The following VWA8 variants were observed in gnomAD, a reference collection of about 807,000 sequenced individuals.
VWA8 encodes von Willebrand factor A domain containing 8, also known as von Willebrand factor A domain-containing protein 8.
VWA8 carries 221 observed loss-of-function variants against 241.5 expected under a neutral mutation model. The ratio of observed to expected loss-of-function variants is 0.91; its 90% CI spans 0.82 to 1.02. VWA8 has a LOEUF of 1.02. Among genes scored for constraint, VWA8 ranks in the 50% least tolerant of loss-of-function variants. VWA8 has a pLI of 0.00. For synonymous variants in VWA8, 852 were observed against 827.1 expected (o/e 1.03, Z -0.52); for missense variants, 2,322 against 2,328.7 (o/e 1.00, Z 0.06).
chr13:41,597,827 T>C (rs1236123145), intron 40 of VWA8, among the ~76,000 whole-genome samples: 1 of 137,464 alleles, frequency 7.3e-6, no homozygotes, highest in African/African-American at 2.4e-5. Flanking sequence ...ACCCCACTCT[T>C]CCAGTTGTTC....
At chr13:41,780,892 A>C (rs768029067) in intron 19 of VWA8, among the ~76,000 whole-genome samples, 8 of 152,160 alleles carry the variant, frequency 5.3e-5, no homozygotes, top group Non-Finnish European at 1.5e-5. Flanking sequence ...TTTTCACCAG[A>C]CATTGTGCTC....
At chr13:41,911,062 CTTTTTTTT>C (rs5803108) in intron 3 of VWA8, among the ~76,000 whole-genome samples, 1 of 97,980 alleles carries the variant, frequency 1.0e-5, no homozygotes, top group Non-Finnish European at 2.2e-5. Context: ...CATTTTCTTT[CTTTTTTTT>C]TTTTTTTTTT....
chr13:41,671,221 T>C lies in VWA8; in HGVS notation c.4410-74A>G, dbSNP rs371068026. 90 of 1,481,934 alleles carry C rather than the reference T, an allele frequency of 6.1e-5. No individual in the cohort carries two copies. In the East Asian group the frequency reaches 1.9e-3, roughly 31 times the overall value. 91.8% of individuals were successfully genotyped at this position (1,481,934 alleles called of 1,614,324 possible). On this transcript the variant is annotated intron_variant, in intron 36 of 44. Transcript: ENST00000379310. ...GGAGGGATGACACTGCACATTGTAA[T>C]GTTCTTTACTGTTGAAAAAGTATGC...
chr13:41,938,033 C>T (rs933554083), intron 2 of VWA8, among the ~76,000 whole-genome samples: 17 of 151,496 alleles, frequency 1.1e-4, no homozygotes, highest in East Asian at 3.9e-4. Flanking sequence ...TGGTGGCACA[C>T]GTCTGTAATC....
intron 20 of VWA8, among the ~76,000 whole-genome samples, chr13:41,762,358 A>G (rs1028531619): frequency 6.6e-6 from 1 of 152,088 alleles, no homozygotes; most frequent in Non-Finnish European, 1.5e-5. Flanking sequence ...AAATCAAGAA[A>G]CCAAGGCTCA....
chr13:41,801,227 GA>G (rs2137961256), intron 17 of VWA8, among the ~76,000 whole-genome samples: 1 of 151,748 alleles, frequency 6.6e-6, no homozygotes, highest in African/African-American at 2.4e-5. Context: ...AGAATGCTTT[GA>G]AAGTCCAAAA....
chr13:41,783,516 T>A (rs1868989668), intron 19 of VWA8, among the ~76,000 whole-genome samples: 1 of 151,790 alleles, frequency 6.6e-6, no homozygotes, highest in African/African-American at 2.4e-5. Flanking sequence ...CACATGCCTC[T>A]AGTCTCAGCT....
intron 2 of VWA8, among the ~76,000 whole-genome samples, chr13:41,935,559 C>G (rs920915643): frequency 1.3e-5 from 2 of 152,036 alleles, no homozygotes; most frequent in Admixed American, 1.3e-4. Context: ...TTAAAAATTA[C>G]AAATGTAGTA....
intron 12 of VWA8, among the ~76,000 whole-genome samples, chr13:41,839,968 G>T (rs1458473778): frequency 1.3e-5 from 2 of 152,136 alleles, no homozygotes; most frequent in Admixed American, 6.5e-5. Context: ...GGGCAGTATG[G>T]CCATTTTCAT....
At position 41,783,899 on chromosome 13, in the gene VWA8, C is replaced by T; in HGVS notation, c.2173G>A (p.Glu725Lys). The change falls in exon 19 of 45, where the codon GAA becomes AAA. Residue 725 changes from glutamate to lysine, a missense_variant and splice_region_variant. Coordinates refer to ENST00000379310, the MANE Select transcript of VWA8 (RefSeq NM_015058.2). ...ATCCTCAGAGTTCCAGATGTTACTT[C>T]ACCTAAACATTTCACACAGGACGGA... ...LEPELKDYKC[E>K]VTSGTLRIGA... 6.2e-7 allele frequency: 1 copy of T among 1,612,104 alleles called. No individual in the cohort carries two copies. Among genetic ancestry groups the T allele is most frequent in the Non-Finnish European group, 8.5e-7 (1 of 1,178,584 alleles).
chr13:41,606,908 T>C (rs1023435043), intron 39 of VWA8, among the ~76,000 whole-genome samples: 2 of 152,186 alleles, frequency 1.3e-5, no homozygotes, highest in Non-Finnish European at 2.9e-5. Context: ...TCCCTTTTCA[T>C]GTGCCCTATA....
rs1319115110 is a variant in VWA8 at position 41,778,057 on chromosome 13, C to G, written c.2278-1G>C. On this transcript the variant is annotated splice_acceptor_variant, in intron 19 of 44. Transcript: ENST00000379310. LOFTEE classifies it high-confidence loss of function. ...GCATATCTTCCATCACTATCACATG[C>G]TAGAGAAAAAGGAACTAGGGGTTAA... 2 of 1,607,168 alleles carry G rather than the reference C, an allele frequency of 1.2e-6. No homozygotes were observed. The highest frequency in any genetic ancestry group is 3.4e-5 in the Admixed American group (2 of 59,260).
intron 20 of VWA8, among the ~76,000 whole-genome samples, chr13:41,764,464 C>T (rs565296400): frequency 2.6e-5 from 4 of 152,270 alleles, no homozygotes; most frequent in East Asian, 1.9e-4. Context: ...ACCATATTCA[C>T]AGCTTATAGT....
In VWA8 at chr13:41,830,437, C is replaced by T. The variant is rs1871396665; in HGVS notation, c.1700+92G>A. On this transcript the variant is annotated intron_variant, in intron 14 of 44. Transcript: ENST00000379310. ...AAATTATTAAATTGTTCAAAGTTAT[C>T]TTGGCATTATTCTAGGTTTAGAAAA... is the stretch of plus-strand genomic sequence containing the variant. 5 of 1,054,072 alleles carry T rather than the reference C, an allele frequency of 4.7e-6. No individual in the cohort carries two copies. In the East Asian group the frequency reaches 1.4e-4, roughly 29 times the overall value. 65.3% of individuals were successfully genotyped at this position (1,054,072 alleles called of 1,614,324 possible).
chr13:41,694,032 A>G (rs1221938771), intron 29 of VWA8, among the ~76,000 whole-genome samples: 3 of 151,976 alleles, frequency 2.0e-5, no homozygotes, highest in Non-Finnish European at 4.4e-5. Flanking sequence ...AATTAATAAA[A>G]ACCTTGAAAA....
At chr13:41,709,992 G>A (rs553045448) in intron 26 of VWA8, among the ~76,000 whole-genome samples, 11 of 151,988 alleles carry the variant, frequency 7.2e-5, no homozygotes, top group South Asian at 2.1e-4. Context: ...AATTGTGATC[G>A]CTTCAAAGGC....
At chr13:41,645,742 C>A (rs1307791793) in intron 37 of VWA8, among the ~76,000 whole-genome samples, 4 of 152,326 alleles carry the variant, frequency 2.6e-5, no homozygotes, top group African/African-American at 9.6e-5. Context: ...AAAGGCAGTT[C>A]TCTCTCTACT....
intron 4 of VWA8, among the ~76,000 whole-genome samples, chr13:41,895,363 T>TA (rs1163621783): frequency 4.6e-5 from 7 of 152,068 alleles, no homozygotes; most frequent in African/African-American, 1.7e-4. Flanking sequence ...AAAAAGTCAT[T>TA]AAATAATCAC....
chr13:41,784,727 T>TATATATATATACATAC (rs1555335045), intron 18 of VWA8, among the ~76,000 whole-genome samples: 5 of 69,014 alleles, frequency 7.2e-5, no homozygotes, highest in Non-Finnish European at 1.3e-4. Flanking sequence ...TATATATATA[T>TATATATATATACATAC]ATACACACAC....
Sources: gnomAD v4.1 joint callset for allele counts (sites outside exome capture counted in the v4.1 genomes callset) on GRCh38, gnomAD v4.1.1 for gene constraint, MANE v1.5 for transcripts, NCBI Gene and HGNC (gene_info 2026-07-23, HGNC 2026-07-21) for gene names.